Variants in ABHD1 observed in about 807,000 individuals in gnomAD.
ABHD1 encodes the protein abhydrolase domain containing 1, also known as protein ABHD1.
Under a neutral mutation model 41.4 loss-of-function variants are expected in ABHD1, and 47 were observed. The ratio of observed to expected loss-of-function variants is 1.13; its 90% CI spans 0.90 to 1.45. The LOEUF is 1.45. Among genes scored for constraint, ABHD1 ranks in the 40% most tolerant of loss-of-function variants. ABHD1 has a pLI of 0.00. For synonymous variants in ABHD1, 205 were observed against 203.7 expected (o/e 1.01, Z -0.05); for missense variants, 550 against 503.4 (o/e 1.09, Z -0.89).
In ABHD1 at chr2:27,128,994, A is replaced by C. The variant is rs779758001; in HGVS notation, c.325A>C (p.Lys109Gln). The C allele has an allele frequency of 6.2e-7, 1 of 1,614,206 alleles. No homozygotes were observed. Among genetic ancestry groups the C allele is most frequent in the South Asian group, 1.1e-5 (1 of 91,084 alleles). Reference protein sequence around the residue: ...DGGQLLLDWAKQPDSSQDPDP... With the variant: ...DGGQLLLDWAQQPDSSQDPDP... The stretch of plus-strand genomic sequence containing the variant: ...AGGCCAGCTCCTGCTAGACTGGGCC[A>C]AGCAGCCTGACAGCAGCCAAGACCC... Residue 109 changes from lysine to glutamine, a missense_variant, in exon 3 of 9, where the codon AAG (lysine) becomes CAG (glutamine). Transcript: ENST00000316470.
chr2:27,125,867 C>A (rs1472782907), intron 1 of ABHD1: 3 of 146,458 alleles, frequency 2.0e-5, no homozygotes, highest in Non-Finnish European at 4.4e-5. Context: ...CACCACTGCA[C>A]TCCAGCCTGG....
chr2:27,128,966 T>C lies in ABHD1; in HGVS notation c.297T>C (p.Asp99=). ...LYQSDILQTP[D]GGQLLLDWAK... ...CCAGTGACATCCTCCAAACACCAGA[T>C]GGAGGCCAGCTCCTGCTAGACTGGG... is the stretch of plus-strand genomic sequence containing the variant. The change falls in exon 3 of 9, where the codon GAT becomes GAC. Residue 99 remains aspartate, a synonymous_variant. Coordinates refer to ENST00000316470, the MANE Select transcript of ABHD1 (RefSeq NM_032604.4). 1 of 1,613,958 alleles carries C rather than the reference T, an allele frequency of 6.2e-7. No homozygotes were observed.
chr2:27,125,905 A>G (rs1048995678), intron 1 of ABHD1: 7 of 151,258 alleles, frequency 4.6e-5, no homozygotes, highest in Non-Finnish European at 8.9e-5. Flanking sequence ...CGTCTCAAAA[A>G]AAAAAAAAAA....
intron 1 of ABHD1, 126 bp from the exon 2 acceptor site, chr2:27,128,315 T>G (rs1672060957): frequency 1.8e-6 from 2 of 1,141,126 alleles, no homozygotes; most frequent in Middle Eastern, 2.8e-4. Context: ...GTATCTCACA[T>G]GCAGACAAAG....
chr2:27,128,795 G>A (rs1386116673), intron 2 of ABHD1, 150 bp from the exon 3 acceptor site: 1 of 1,193,360 alleles, frequency 8.4e-7, no homozygotes, highest in African/African-American at 1.5e-5. Context: ...ATCACACATT[G>A]TCAAGCCTTA....
At chr2:27,127,906 T>C (rs1672039755) in intron 1 of ABHD1, among the ~76,000 whole-genome samples, 1 of 152,134 alleles carries the variant, frequency 6.6e-6, no homozygotes, top group South Asian at 2.1e-4. Flanking sequence ...TGAATGGTGC[T>C]GCATTTCTTC....
chr2:27,127,972 A>G (rs1308103649), intron 1 of ABHD1, among the ~76,000 whole-genome samples: 1 of 151,864 alleles, frequency 6.6e-6, no homozygotes, highest in Non-Finnish European at 1.5e-5. Context: ...GCACTTATTG[A>G]CAGGGTCTCA....
chr2:27,124,321 A>G (rs1671866890), intron 1 of ABHD1: 4 of 575,322 alleles, frequency 7.0e-6, no homozygotes, highest in South Asian at 1.6e-5. Flanking sequence ...GTGGGGTGGA[A>G]GGCATCCTGA....
intron 6 of ABHD1, 62 bp downstream of exon 6, chr2:27,129,989 C>G: frequency 6.2e-7 from 1 of 1,610,810 alleles, no homozygotes; most frequent in South Asian, 1.1e-5. Context: ...ACTCCAGGCT[C>G]TCCTAGTGCT....
rs377624501 is a variant in ABHD1, at chr2:27,128,536, T to G, written c.210T>G (p.Phe70Leu). 4 of 1,613,876 alleles carry G rather than the reference T, an allele frequency of 2.5e-6. No individual in the cohort carries two copies. The African/African-American group carries it at 4.0e-5, about 16-fold the overall frequency. ...TETFYPTLWC[F>L]EGRLQSIFQV... Reference sequence around the variant, plus strand: ...CTTTCTACCCAACGCTGTGGTGTTTTGAGGGGCGACTACAAAGCATCTTCC... The same window carrying G: ...CTTTCTACCCAACGCTGTGGTGTTTGGAGGGGCGACTACAAAGCATCTTCC... The change falls in exon 2 of 9, where the codon TTT becomes TTG. Residue 70 changes from phenylalanine (F) to leucine (L), a missense_variant. Transcript: ENST00000316470.
intron 2 of ABHD1, 21 bp from the exon 3 acceptor site, chr2:27,128,924 T>C: frequency 6.2e-7 from 1 of 1,608,854 alleles, no homozygotes; most frequent in African/African-American, 1.3e-5. Flanking sequence ...TATCTTTGTG[T>C]GCCTCTTCCT....
chr2:27,129,414 C>T (rs1166598328), intron 4 of ABHD1, 53 bp downstream of exon 4: 2 of 1,613,268 alleles, frequency 1.2e-6, no homozygotes, highest in Non-Finnish European at 1.7e-6. Context: ...TTTAGAGATC[C>T]TTGGCCCTGG....
intron 1 of ABHD1, chr2:27,126,035 C>G (rs1671943223): frequency 6.6e-6 from 1 of 152,176 alleles, no homozygotes; most frequent in South Asian, 2.1e-4. Flanking sequence ...CACTAACTAG[C>G]TCTGGCAAGC....
At position 27,123,844 on chromosome 2, in the gene ABHD1, G is replaced by A. The variant is rs1413188967; in HGVS notation, c.-105G>A. 4 of 949,204 alleles carry A rather than the reference G, an allele frequency of 4.2e-6. No homozygotes were observed. The highest frequency in any genetic ancestry group is 6.6e-6 in the Non-Finnish European group (4 of 604,818). 58.8% of individuals were successfully genotyped at this position (949,204 alleles called of 1,614,324 possible). A position where few individuals can be genotyped will look rare whatever the true frequency, so the allele number is the denominator to read the frequency against. ...GCGCAAACTGCCTGCAGCGGGGACC[G>A]GACCTGCACAGGCCGCCTATGGCGG... On this transcript the variant is annotated 5_prime_UTR_variant, in exon 1 of 9. Transcript: ENST00000316470.
chr2:27,130,269 T>C lies in ABHD1; in HGVS notation c.859T>C (p.Phe287Leu). 1 of 1,614,162 alleles carries C rather than the reference T, an allele frequency of 6.2e-7. No homozygotes were observed. The highest frequency in any genetic ancestry group is 8.5e-7 in the Non-Finnish European group (1 of 1,180,024). Residue 287 changes from phenylalanine to leucine, a missense_variant, in exon 8 of 9, where the codon TTT becomes CTT. Transcript: ENST00000316470. ...CCTGCAGGCCCGTACAATCCGCCAG[T>C]TTGATGAGCGCTACACATCTGTGGC... ...FVLQARTIRQ[F>L]DERYTSVAFG...
intron 1 of ABHD1, chr2:27,125,306 C>T (rs1032335464): frequency 6.6e-6 from 1 of 152,036 alleles, no homozygotes; most frequent in Non-Finnish European, 1.5e-5. Flanking sequence ...AAATCTGGGC[C>T]CCTGCTGCTT....
chr2:27,128,345 C>T, intron 1 of ABHD1, 96 bp from the exon 2 acceptor site: 1 of 1,481,356 alleles, frequency 6.8e-7, no homozygotes, highest in East Asian at 2.3e-5. Flanking sequence ...CCAGGCTGGG[C>T]TCTGGAGAGG....
At position 27,123,840 on chromosome 2, in the gene ABHD1, G is replaced by A. The variant is rs1006747248; in HGVS notation, c.-109G>A. 4.5e-6 allele frequency: 4 copies of A among 898,376 alleles called. No homozygotes were observed. In the African/African-American group the frequency reaches 6.6e-5, roughly 15 times the overall value. The allele number at this position is 898,376 out of a possible 1,614,324, so 55.7% of individuals were successfully genotyped here. On this transcript the variant is annotated 5_prime_UTR_variant, in exon 1 of 9. Transcript: ENST00000316470. ...AGCAGCGCAAACTGCCTGCAGCGGG[G>A]ACCGGACCTGCACAGGCCGCCTATG...
Position 27,129,077 on chromosome 2 carries a change from G to C in ABHD1, c.408G>C (p.Gln136His), listed in dbSNP as rs751924271. 6.2e-7 allele frequency: 1 copy of C among 1,614,016 alleles called. No individual in the cohort carries two copies. Among genetic ancestry groups the C allele is most frequent in the East Asian group, 2.2e-5 (1 of 44,888 alleles). The part of the protein sequence containing the change: ...LLLPGITGSS[Q>H]ETYVLHLVNQ... Reference sequence around the variant, plus strand: ...TTCCTGGCATCACTGGCAGTAGCCAGGAGACATACGTCTTGCACCTAGTTA... The same window carrying C: ...TTCCTGGCATCACTGGCAGTAGCCACGAGACATACGTCTTGCACCTAGTTA... Residue 136 changes from glutamine (Q) to histidine (H), a missense_variant, in exon 3 of 9, where the codon CAG (glutamine) becomes CAC (histidine). Transcript: ENST00000316470.
Sources: gnomAD v4.1 joint callset for allele counts (sites outside exome capture counted in the v4.1 genomes callset) on GRCh38, gnomAD v4.1.1 for gene constraint, MANE v1.5 for transcripts, NCBI Gene and HGNC (gene_info 2026-07-23, HGNC 2026-07-21) for gene names.